TMEM178B: variants seen among roughly 807,000 people sequenced by gnomAD.
The protein encoded by TMEM178B is transmembrane protein 178B.
A neutral mutation model predicts 31.0 loss-of-function variants in TMEM178B; 5 were observed. The ratio of observed to expected loss-of-function variants is 0.16; its 90% CI spans 0.08 to 0.34. The LOEUF is 0.34. Among genes scored for constraint, TMEM178B ranks in the 10% least tolerant of loss-of-function variants. The probability of loss-of-function intolerance (pLI) is 1.00; values close to 1 mark genes in which losing one functional copy is unlikely to be tolerated. For missense variants in TMEM178B, 275 were observed against 400.3 expected (o/e 0.69, Z 2.67); for synonymous variants, 164 against 164.0 (o/e 1.00, Z 0.00).
At chr7:141,328,848 T>A (rs1156964743) in intron 2 of TMEM178B, among the ~76,000 whole-genome samples, 1 of 152,234 alleles carries the variant, frequency 6.6e-6, no homozygotes, top group African/African-American at 2.4e-5. Context: ...TAAGATCAGC[T>A]ATACTTCCAG....
At chr7:141,309,363 A>G (rs1033155462) in intron 2 of TMEM178B, among the ~76,000 whole-genome samples, 1 of 152,204 alleles carries the variant, frequency 6.6e-6, no homozygotes, top group African/African-American at 2.4e-5. Context: ...ATATTGTTGA[A>G]AACATAATAC....
intron 2 of TMEM178B, among the ~76,000 whole-genome samples, chr7:141,247,206 C>CAT (rs952013161): frequency 2.2e-4 from 9 of 40,976 alleles, no homozygotes; most frequent in African/African-American, 8.4e-4. Context: ...TTTCTCTCTA[C>CAT]ACACACACAC....
intron 2 of TMEM178B, among the ~76,000 whole-genome samples, chr7:141,302,895 G>A (rs537361860): frequency 2.6e-5 from 4 of 152,284 alleles, no homozygotes; most frequent in South Asian, 2.1e-4. Context: ...CACAGAAGAC[G>A]CAAACTCAAA....
At chr7:141,244,195 A>G (rs568272835) in intron 2 of TMEM178B, among the ~76,000 whole-genome samples, 1 of 152,360 alleles carries the variant, frequency 6.6e-6, no homozygotes, top group Admixed American at 6.5e-5. Flanking sequence ...AAAAAAATCC[A>G]TACAGTTCCT....
chr7:141,392,160 C>A (rs1320013449), intron 2 of TMEM178B, among the ~76,000 whole-genome samples: 1 of 151,974 alleles, frequency 6.6e-6, no homozygotes, highest in East Asian at 1.9e-4. Flanking sequence ...ATATACTGAT[C>A]ACTCAGATTC....
intron 2 of TMEM178B, among the ~76,000 whole-genome samples, chr7:141,301,351 CT>C (rs1303860351): frequency 1.3e-5 from 2 of 152,066 alleles, no homozygotes; most frequent in Non-Finnish European, 2.9e-5. Flanking sequence ...GAAACTGGTT[CT>C]TTTACCAAAA....
chr7:141,139,826 T>A (rs1283562504), intron 1 of TMEM178B, among the ~76,000 whole-genome samples: 1 of 151,768 alleles, frequency 6.6e-6, no homozygotes, highest in Non-Finnish European at 1.5e-5. Context: ...AGTGCAGTGG[T>A]GTGATCTTGG....
the TMEM178B span, among the ~76,000 whole-genome samples, chr7:141,500,164 T>G: frequency 6.6e-6 from 1 of 152,188 alleles, no homozygotes; most frequent in East Asian, 1.9e-4. Flanking sequence ...TTAACCAAAA[T>G]TTATTGACCA....
At chr7:141,416,914 T>C (rs1563176825) in intron 2 of TMEM178B, among the ~76,000 whole-genome samples, 1 of 152,180 alleles carries the variant, frequency 6.6e-6, no homozygotes, top group Admixed American at 6.5e-5. Flanking sequence ...ACGTGAAGCA[T>C]GAAAAATGTT....
At chr7:141,130,172 G>A (rs569293598) in intron 1 of TMEM178B, among the ~76,000 whole-genome samples, 1 of 152,166 alleles carries the variant, frequency 6.6e-6, no homozygotes, top group African/African-American at 2.4e-5. Context: ...TTTCCCCCAC[G>A]AAGAACGGCT....
intron 2 of TMEM178B, among the ~76,000 whole-genome samples, chr7:141,314,104 T>C (rs1012028016): frequency 6.6e-6 from 1 of 152,348 alleles, no homozygotes; most frequent in South Asian, 2.1e-4. Context: ...TCTCTTTCAT[T>C]TAGTTGCAAC....
chr7:141,399,570 G>A (rs1800717426), intron 2 of TMEM178B, among the ~76,000 whole-genome samples: 1 of 152,182 alleles, frequency 6.6e-6, no homozygotes, highest in African/African-American at 2.4e-5. Context: ...TGTCCAAGGA[G>A]GGTGGCTTGT....
At chr7:141,095,197 T>G (rs1794937874) in intron 1 of TMEM178B, among the ~76,000 whole-genome samples, 1 of 152,202 alleles carries the variant, frequency 6.6e-6, no homozygotes, top group South Asian at 2.1e-4. Context: ...CTGTGTATGT[T>G]CTGGAGACAA....
At chr7:141,455,990 A>G (rs1025808873) in intron 3 of TMEM178B, among the ~76,000 whole-genome samples, 1 of 152,276 alleles carries the variant, frequency 6.6e-6, no homozygotes, top group Non-Finnish European at 1.5e-5. Flanking sequence ...GACACAATTT[A>G]TTCCAGACAC....
intron 2 of TMEM178B, among the ~76,000 whole-genome samples, chr7:141,298,135 G>T (rs548832994): frequency 2.0e-5 from 3 of 152,266 alleles, no homozygotes; most frequent in Non-Finnish European, 4.4e-5. Flanking sequence ...TCATGTGTCT[G>T]TTGGTTGCAT....
chr7:141,175,173 T>C (rs945098336), intron 1 of TMEM178B, among the ~76,000 whole-genome samples: 1 of 152,238 alleles, frequency 6.6e-6, no homozygotes, highest in Non-Finnish European at 1.5e-5. Flanking sequence ...TTCAGTTTTC[T>C]GCATATGGCT....
chr7:141,317,272 T>C (rs1425302164), intron 2 of TMEM178B, among the ~76,000 whole-genome samples: 1 of 152,132 alleles, frequency 6.6e-6, no homozygotes, highest in African/African-American at 2.4e-5. Flanking sequence ...GACTTTTACT[T>C]TTTTCTTAAG....
chr7:141,120,330 G>T (rs1192609193), intron 1 of TMEM178B, among the ~76,000 whole-genome samples: 2 of 152,092 alleles, frequency 1.3e-5, no homozygotes, highest in Non-Finnish European at 2.9e-5. Context: ...ATCCATGTTA[G>T]TTTTTTAAAA....
chr7:141,074,109 T>G lies in TMEM178B; in HGVS notation c.-202T>G. The G allele has an allele frequency of 3.0e-6, 2 of 675,960 alleles. No homozygotes were observed. The highest frequency in any genetic ancestry group is 4.3e-6 in the Non-Finnish European group (2 of 460,352). The allele number at this position is 675,960 out of a possible 1,614,324, so 41.9% of individuals were successfully genotyped here. ...AGGAGCCCGCGGGAGCCTCTCCGGA[T>G]CAGAACTTTTTAGGCCGCCCGCCCC... On this transcript the variant is annotated 5_prime_UTR_variant, in exon 1 of 4. Transcript: ENST00000565468. The surrounding 1 kb of genome is among the most constrained non-coding windows in gnomAD (Gnocchi z 5.1).
Sources: allele counts gnomAD v4.1 joint callset (sites outside exome capture counted in the v4.1 genomes callset), GRCh38; gene constraint gnomAD v4.1.1; non-coding constraint Gnocchi (gnomAD v3.1); transcripts MANE v1.5; gene names NCBI Gene and HGNC (gene_info 2026-07-23, HGNC 2026-07-21).